CEP164: variants seen among roughly 807,000 people sequenced by gnomAD.
The protein encoded by CEP164 is centrosomal protein 164, also known as centrosomal protein of 164 kDa.
A neutral mutation model predicts 182.7 loss-of-function variants in CEP164; 162 were observed. The ratio of observed to expected loss-of-function variants is 0.89; its 90% CI spans 0.78 to 1.01. The LOEUF is 1.01. Ranked by LOEUF, CEP164 falls within the 50% of genes least tolerant of loss-of-function variation. The probability of loss-of-function intolerance (pLI) is 0.00; values close to 1 mark genes in which losing one functional copy is unlikely to be tolerated. For missense variants in CEP164, 1,735 were observed against 1,790.4 expected, an observed-to-expected ratio of 0.97 and a Z score of 0.56; for synonymous variants, 661 against 690.0, an observed-to-expected ratio of 0.96 and a Z score of 0.66.
chr11:117,344,650 GGTA>G (rs2038628487), intron 4 of CEP164, among the ~76,000 whole-genome samples: 1 of 152,156 alleles, frequency 6.6e-6, no homozygotes, highest in Non-Finnish European at 1.5e-5. Flanking sequence ...GGTCTTGCCG[GGTA>G]CGGTGGCCCA....
At chr11:117,331,964 C>T (rs181103771) in intron 1 of CEP164, among the ~76,000 whole-genome samples, 9 of 141,788 alleles carry the variant, frequency 6.3e-5, no homozygotes, top group Non-Finnish European at 1.0e-4. Flanking sequence ...CACAGGTGCA[C>T]GCCACCATGC....
chr11:117,354,612 G>A (rs750518097), intron 5 of CEP164, among the ~76,000 whole-genome samples: 1 of 151,996 alleles, frequency 6.6e-6, no homozygotes, highest in Admixed American at 6.6e-5. Flanking sequence ...TGATCTAGTC[G>A]AACCTCCTCT....
At position 117,409,253 on chromosome 11, in the gene CEP164, C is replaced by T; in HGVS notation, c.3748+225C>T. The T allele has an allele frequency of 1.6e-6, 1 of 625,010 alleles. No homozygotes were observed. The highest frequency in any genetic ancestry group is 2.0e-5 in the South Asian group (1 of 49,076). 38.7% of individuals were successfully genotyped at this position (625,010 alleles called of 1,614,324 possible). On this transcript the variant is annotated intron_variant, in intron 29 of 32. Coordinates refer to ENST00000278935, the MANE Select transcript of CEP164 (RefSeq NM_014956.5). The surrounding 1 kb of genome is among the most constrained non-coding windows in gnomAD (Gnocchi z 4.4). ...AGCCCTCTGAATGCTGCAGAGCACT[C>T]TACGGTGTGACCACTGGCCTTGCTG...
At chr11:117,389,510 A>G (rs943327472) in intron 15 of CEP164, among the ~76,000 whole-genome samples, 6 of 152,358 alleles carry the variant, frequency 3.9e-5, no homozygotes, top group African/African-American at 1.2e-4. Context: ...AGAAGCTCCC[A>G]GACTTGCAAG....
At chr11:117,410,190 A>G (rs778355183) in intron 30 of CEP164, 8 of 656,420 alleles carry the variant, frequency 1.2e-5, no homozygotes, top group Non-Finnish European at 1.9e-5. Flanking sequence ...CAGGAGTTCT[A>G]TGGGTTGGGA....
At chr11:117,402,170 G>T (rs2046213887) in intron 27 of CEP164, among the ~76,000 whole-genome samples, 1 of 151,196 alleles carries the variant, frequency 6.6e-6, no homozygotes, top group African/African-American at 2.4e-5. Flanking sequence ...CTGGTACATT[G>T]TGTCTTTGTT....
chr11:117,341,467 C>T (rs1160403844), intron 3 of CEP164, among the ~76,000 whole-genome samples: 1 of 151,422 alleles, frequency 6.6e-6, no homozygotes, highest in Non-Finnish European at 1.5e-5. Flanking sequence ...TTTTTGAGAC[C>T]GAGTTTCACT....
intron 15 of CEP164, 112 bp from the exon 16 acceptor site, chr11:117,390,665 G>T: frequency 2.3e-6 from 3 of 1,322,618 alleles, no homozygotes; most frequent in Non-Finnish European, 3.1e-6. Context: ...AAAGATTTAG[G>T]AAGTTTCTTA....
chr11:117,373,697 C>T, intron 9 of CEP164, 54 bp from the exon 10 acceptor site: 1 of 1,500,156 alleles, frequency 6.7e-7, no homozygotes, highest in East Asian at 2.3e-5. Flanking sequence ...GGGTAGGGAC[C>T]ATGACTCTTT....
chr11:117,408,104 C>A, intron 28 of CEP164, 72 bp downstream of exon 28: 1 of 1,199,550 alleles, frequency 8.3e-7, no homozygotes, highest in Non-Finnish European at 1.2e-6. Context: ...GGGTTGAGTT[C>A]TTTGGTCCTG....
intron 2 of CEP164, chr11:117,336,427 G>T: frequency 1.4e-6 from 2 of 1,391,240 alleles, no homozygotes; most frequent in South Asian, 1.2e-5. Flanking sequence ...TTGGCATCCT[G>T]GATACCCTGG....
chr11:117,344,108 G>A (rs976790905), intron 3 of CEP164, 58 bp from the exon 4 acceptor site: 7 of 931,038 alleles, frequency 7.5e-6, no homozygotes, highest in African/African-American at 1.7e-5. Flanking sequence ...AAAAAAGATT[G>A]TGAGTTTTTT....
chr11:117,399,631 C>T (rs2136585579), intron 27 of CEP164, among the ~76,000 whole-genome samples: 1 of 152,310 alleles, frequency 6.6e-6, no homozygotes, highest in South Asian at 2.1e-4. Context: ...TTCTCCACAT[C>T]CTCTCCCAGC....
Position 117,335,988 on chromosome 11 carries a change from C to T in CEP164, c.-22+308C>T, listed in dbSNP as rs190260656. On this transcript the variant is annotated intron_variant, in intron 2 of 32. Coordinates refer to ENST00000278935, the MANE Select transcript of CEP164 (RefSeq NM_014956.5). ...CTCCCCTGCTAAACTCATTAGCTAT[C>T]TGATCTATCCAAGCAGCAAGAAGAT... Among the ~76,000 whole-genome samples the T allele has an allele frequency of 2.3e-3, 348 of 152,006 alleles. 3 individuals are homozygous for T. The highest frequency in any genetic ancestry group is 8.0e-3 in the African/African-American group (331 of 41,456).
rs761942364 is a variant in CEP164 at position 117,371,480 on chromosome 11, T to C, written c.1152+14T>C. The C allele has an allele frequency of 6.3e-7, 1 of 1,595,920 alleles. No individual in the cohort carries two copies. Among genetic ancestry groups the C allele is most frequent in the South Asian group, 1.1e-5 (1 of 88,180 alleles). The stretch of plus-strand genomic sequence containing the variant: ...GACGCCAGCCAAGTAAGTCACTGTA[T>C]CCCATAGGCAGGGGTTGGCTGTAGC... On this transcript the variant is annotated intron_variant, in intron 9 of 32. Coordinates refer to ENST00000278935, the MANE Select transcript of CEP164 (RefSeq NM_014956.5).
chr11:117,362,340 A>G (rs1306458344), intron 6 of CEP164, 64 bp from the exon 7 acceptor site: 1 of 1,541,354 alleles, frequency 6.5e-7, no homozygotes, highest in Admixed American at 1.8e-5. Context: ...GGGGAGGAGC[A>G]TTCTAAAGGT....
intron 9 of CEP164, 82 bp from the exon 10 acceptor site, chr11:117,373,669 G>T (rs2042446764): frequency 1.6e-6 from 2 of 1,251,956 alleles, no homozygotes; most frequent in Non-Finnish European, 2.3e-6. Flanking sequence ...TGGCCCCATG[G>T]CCTGAACAGA....
chr11:117,322,536 C>G (rs1046698028), intron 1 of CEP164, among the ~76,000 whole-genome samples: 1 of 151,902 alleles, frequency 6.6e-6, no homozygotes, highest in African/African-American at 2.4e-5. Flanking sequence ...CAATAGGATA[C>G]CAGAATTTAT....
intron 27 of CEP164, 81 bp from the exon 28 acceptor site, chr11:117,407,844 A>T: frequency 3.1e-6 from 3 of 953,116 alleles, no homozygotes; most frequent in Non-Finnish European, 4.9e-6. Context: ...GTTCAAGATC[A>T]CCCAGTCAGC....
Sources: allele counts gnomAD v4.1 joint callset (sites outside exome capture counted in the v4.1 genomes callset), GRCh38; gene constraint gnomAD v4.1.1; non-coding constraint Gnocchi (gnomAD v3.1); transcripts MANE v1.5; gene names NCBI Gene and HGNC (gene_info 2026-07-23, HGNC 2026-07-21).